Variants in LY75 observed in about 807,000 individuals in gnomAD.
The protein encoded by LY75 is lymphocyte antigen 75.
A neutral mutation model predicts 231.7 loss-of-function variants in LY75; 185 were observed. The observed-to-expected ratio is 0.80, with a 90% CI of 0.71 to 0.90. The LOEUF is 0.90. LY75 is among the 40% of genes least tolerant of loss of function. LY75 has a pLI of 0.00. For synonymous variants in LY75, 668 were observed against 689.0 expected (o/e 0.97, Z 0.48); for missense variants, 1,947 against 2,050.2 (o/e 0.95, Z 0.97).
intron 12 of LY75, among the ~76,000 whole-genome samples, chr2:159,873,372 G>A (rs1685076615): frequency 6.6e-6 from 1 of 152,142 alleles, no homozygotes; most frequent in Admixed American, 6.6e-5. Context: ...TATTAGTGAA[G>A]GTAAACTGAG....
At chr2:159,862,574 C>T (rs78796028) in intron 14 of LY75, among the ~76,000 whole-genome samples, 216 of 152,156 alleles carry the variant, frequency 1.4e-3, no homozygotes, top group African/African-American at 4.4e-3. Flanking sequence ...AAAAAGAAGA[C>T]TTGTAACTTG....
intron 27 of LY75, among the ~76,000 whole-genome samples, chr2:159,832,902 A>T (rs1203825337): frequency 2.0e-5 from 3 of 152,222 alleles, no homozygotes; most frequent in Non-Finnish European, 4.4e-5. Context: ...TGGTTCCAAC[A>T]GTTCCATCAT....
At chr2:159,840,075 T>C (rs1010074054) in intron 25 of LY75, among the ~76,000 whole-genome samples, 8 of 151,372 alleles carry the variant, frequency 5.3e-5, no homozygotes, top group South Asian at 2.1e-4. Flanking sequence ...TCCATAGTGC[T>C]TCCACACAAC....
intron 28 of LY75, among the ~76,000 whole-genome samples, chr2:159,824,201 T>C (rs995804630): frequency 2.6e-5 from 4 of 152,110 alleles, no homozygotes; most frequent in Non-Finnish European, 5.9e-5. Context: ...TCAGATGAGA[T>C]GGGTTCAGGA....
rs1489338921 is a variant in LY75 at position 159,875,342 on chromosome 2, G to A, written c.1974+102C>T. On this transcript the variant is annotated intron_variant, in intron 12 of 34. Coordinates refer to ENST00000263636, the MANE Select transcript of LY75 (RefSeq NM_002349.4). ...CTGTGCTCCAGAGCACTTTAGTTAG[G>A]TTACATAGTACTATGGAGAAGAGCA... 5.4e-5 allele frequency: 79 copies of A among 1,467,004 alleles called. No individual in the cohort carries two copies. In the East Asian group the frequency reaches 1.8e-3, roughly 33 times the overall value. The allele number at this position is 1,467,004 out of a possible 1,614,324, so 90.9% of individuals were successfully genotyped here.
intron 18 of LY75, 79 bp downstream of exon 18, chr2:159,854,281 G>T: frequency 8.6e-7 from 1 of 1,156,976 alleles, no homozygotes; most frequent in Non-Finnish European, 1.1e-6. Flanking sequence ...TGTAGATTTT[G>T]GCAAAATTTT....
chr2:159,903,830 G>T (rs1560109555), intron 1 of LY75, among the ~76,000 whole-genome samples: 1 of 152,168 alleles, frequency 6.6e-6, no homozygotes, highest in African/African-American at 2.4e-5. Flanking sequence ...GTGGTGTGGT[G>T]GGGCTGGCAC....
At chr2:159,865,771 G>A (rs1162031358) in intron 13 of LY75, among the ~76,000 whole-genome samples, 4 of 152,084 alleles carry the variant, frequency 2.6e-5, no homozygotes, top group Admixed American at 1.3e-4. Flanking sequence ...TGATCTGAAT[G>A]CCAGTATTCA....
chr2:159,866,479 C>G (rs1171004428), intron 13 of LY75, among the ~76,000 whole-genome samples: 1 of 152,086 alleles, frequency 6.6e-6, no homozygotes, highest in East Asian at 1.9e-4. Context: ...GACAGATCCA[C>G]CAATTTGTGG....
intron 4 of LY75, 70 bp from the exon 5 acceptor site, chr2:159,886,600 TA>T: frequency 7.0e-7 from 1 of 1,437,544 alleles, no homozygotes; most frequent in East Asian, 2.5e-5. Context: ...AGACTTATTC[TA>T]CTAATAACAA....
intron 16 of LY75, among the ~76,000 whole-genome samples, chr2:159,857,805 T>C (rs1684591126): frequency 6.6e-6 from 1 of 152,180 alleles, no homozygotes; most frequent in Non-Finnish European, 1.5e-5. Flanking sequence ...CATGTTTTCC[T>C]GGAAAAAGTA....
Position 159,850,150 on chromosome 2 carries a change from A to G in LY75, c.2990-10T>C. 3 of 1,589,390 alleles carry G rather than the reference A, an allele frequency of 1.9e-6. No homozygotes were observed. Among genetic ancestry groups the G allele is most frequent in the Non-Finnish European group, 2.6e-6 (3 of 1,173,484 alleles). On this transcript the variant is annotated splice_polypyrimidine_tract_variant and intron_variant, in intron 22 of 34. Coordinates refer to ENST00000263636, the MANE Select transcript of LY75 (RefSeq NM_002349.4). Reference sequence around the variant, plus strand: ...AAGGATGTAATAAAGTCTGTTAGAAAGAGATTTTTAAAAAGCATTTGATTT... The same window carrying G: ...AAGGATGTAATAAAGTCTGTTAGAAGGAGATTTTTAAAAAGCATTTGATTT...
At chr2:159,861,624 T>C (rs1004610521) in intron 14 of LY75, among the ~76,000 whole-genome samples, 73 of 151,474 alleles carry the variant, frequency 4.8e-4, no homozygotes, top group African/African-American at 1.7e-3. Flanking sequence ...GGCATGTGCC[T>C]GTACTTGAGA....
rs186577765 is a variant in LY75, at chr2:159,810,259, C to T, written c.4699+267G>A. ...ATGTTGGCCAGGATGGTCTTGATCT[C>T]TTGACCTCATGATCTGCCCGCCTTG... is the stretch of plus-strand genomic sequence containing the variant. On this transcript the variant is annotated intron_variant, in intron 32 of 34. Coordinates refer to ENST00000263636, the MANE Select transcript of LY75 (RefSeq NM_002349.4). Among the ~76,000 whole-genome samples the T allele has an allele frequency of 1.1e-3, 173 of 151,394 alleles. 1 individual carries two copies. The East Asian group carries it at 0.032, about 28-fold the overall frequency.
intron 25 of LY75, among the ~76,000 whole-genome samples, chr2:159,838,848 T>C (rs2125845685): frequency 6.6e-6 from 1 of 152,320 alleles, no homozygotes; most frequent in Admixed American, 6.5e-5. Context: ...CAGGCTGGAA[T>C]GCAGTGGTAT....
At chr2:159,890,965 A>T (rs1685736065) in intron 3 of LY75, among the ~76,000 whole-genome samples, 1 of 152,220 alleles carries the variant, frequency 6.6e-6, no homozygotes, top group South Asian at 2.1e-4. Flanking sequence ...GCATAGAAAC[A>T]TATATACATA....
intron 29 of LY75, 32 bp downstream of exon 29, chr2:159,819,694 T>A: frequency 6.4e-7 from 1 of 1,561,696 alleles, no homozygotes; most frequent in South Asian, 1.2e-5. Flanking sequence ...TTCCCTGGAG[T>A]GAAAGAAAAC....
At chr2:159,865,552 T>C (rs567728636) in intron 13 of LY75, among the ~76,000 whole-genome samples, 1 of 152,212 alleles carries the variant, frequency 6.6e-6, no homozygotes, top group Admixed American at 6.6e-5. Flanking sequence ...CCCTGAAATG[T>C]AATATGAAAT....
chr2:159,858,305 C>A, intron 16 of LY75, 57 bp downstream of exon 16: 1 of 1,582,408 alleles, frequency 6.3e-7, no homozygotes, highest in Non-Finnish European at 8.6e-7. Flanking sequence ...CTACTTTGAG[C>A]TAGGCATTCA....
Sources: gnomAD v4.1 joint callset for allele counts (sites outside exome capture counted in the v4.1 genomes callset) on GRCh38, gnomAD v4.1.1 for gene constraint, MANE v1.5 for transcripts, NCBI Gene and HGNC (gene_info 2026-07-23, HGNC 2026-07-21) for gene names.